The following TMUB2 variants were observed in gnomAD, a reference collection of about 807,000 sequenced individuals.
TMUB2 encodes transmembrane and ubiquitin-like domain-containing protein 2.
Under a neutral mutation model 20.2 loss-of-function variants are expected in TMUB2, and 19 were observed. The ratio of observed to expected loss-of-function variants is 0.94; its 90% CI spans 0.66 to 1.38. The LOEUF is 1.38. Among genes scored for constraint, TMUB2 ranks in the 40% most tolerant of loss-of-function variants. The probability of loss-of-function intolerance (pLI) is 0.00; values close to 1 mark genes in which losing one functional copy is unlikely to be tolerated. For missense variants in TMUB2, 426 were observed against 402.5 expected (o/e 1.06, Z -0.50); for synonymous variants, 186 against 166.0 (o/e 1.12, Z -0.92).
chr17:44,189,276 C>A lies in TMUB2; in HGVS notation c.290C>A (p.Thr97Asn), dbSNP rs369440160. The A allele has an allele frequency of 4.4e-6, 7 of 1,604,386 alleles. No individual in the cohort carries two copies. The highest frequency in any genetic ancestry group is 4.5e-5 in the East Asian group (2 of 44,814). ...GCAGGCCAAGGCAACCCCGAGCCAA[C>A]TGAACTCCCCCATCCATCAGAGGGT... ...LVAGQGNPEP[T>N]ELPHPSEGND... is the part of the protein sequence containing the mutation. Residue 97 changes from threonine (T) to asparagine (N), a missense_variant, in exon 3 of 4, where the codon ACT becomes AAT. Physicochemically the swap from Thr to Asn is moderately conservative, Grantham distance 65. Coordinates refer to ENST00000538716, the MANE Select transcript of TMUB2 (RefSeq NM_001076674.3).
At position 44,189,227 on chromosome 17, in the gene TMUB2, C is replaced by T. The variant is rs2054973665; in HGVS notation, c.241C>T (p.Leu81=). 6.2e-7 allele frequency: 1 copy of T among 1,613,444 alleles called. No homozygotes were observed. ...VSAGDTSVLH[L]GHVDHLVAGQ... ...AGCAGGCGACACATCCGTCCTCCACCTGGGGCATGTGGACCACCTGGTGGC... is the reference window on the plus strand; with the variant it reads ...AGCAGGCGACACATCCGTCCTCCACTTGGGGCATGTGGACCACCTGGTGGC... The change falls in exon 3 of 4, where the codon CTG becomes TTG. Residue 81 remains leucine, a synonymous_variant. Transcript: ENST00000538716.
At chr17:44,187,495 G>C in intron 1 of TMUB2, 181 bp from the exon 2 acceptor site, 1 of 595,558 alleles carries the variant, frequency 1.7e-6, no homozygotes, top group South Asian at 2.0e-5. Flanking sequence ...GGACACCTGG[G>C]GTCCTGCCGG....
rs757926587 is a variant in TMUB2, at chr17:44,190,668, C to A, written c.770C>A (p.Ala257Asp). 2 of 1,614,218 alleles carry A rather than the reference C, an allele frequency of 1.2e-6. No homozygotes were observed. The highest frequency in any genetic ancestry group is 1.7e-5 in the Admixed American group (1 of 60,024). ...SAVPGPSASL[A>D]PSATEPPSLG... ...GTTCCAGGCCCCTCAGCCTCCTTGG[C>A]CCCCTCGGCCACTGAGCCACCCAGC... is the stretch of plus-strand genomic sequence containing the variant. The change falls in exon 4 of 4, where the codon GCC (alanine) becomes GAC (aspartate). Residue 257 changes from alanine to aspartate, a missense_variant. Ala to Asp is a moderately radical substitution (Grantham distance 126). Transcript: ENST00000538716.
chr17:44,187,643 T>G (rs2054647260), intron 1 of TMUB2, 33 bp from the exon 2 acceptor site: 1 of 716,586 alleles, frequency 1.4e-6, no homozygotes, highest in Admixed American at 2.0e-5. Context: ...TGATAAATAA[T>G]TACTACCGTT....
At position 44,190,887 on chromosome 17, in the gene TMUB2, G is replaced by C. The variant is rs2285953; in HGVS notation, c.*23G>C. 0.038 allele frequency: 60,164 copies of C among 1,581,478 alleles called. 1,411 individuals carry two copies. The highest frequency in any genetic ancestry group is 0.08 in the East Asian group (3,575 of 44,672). The stretch of plus-strand genomic sequence containing the variant: ...TAAGGACATAGGAAGAAAATGAAAG[G>C]CATGGTCTTTCTCCTTTACGGCCTC... On this transcript the variant is annotated 3_prime_UTR_variant, in exon 4 of 4. Coordinates refer to ENST00000538716, the MANE Select transcript of TMUB2 (RefSeq NM_001076674.3).
rs1598179174 is a variant in TMUB2 at position 44,190,682 on chromosome 17, G to A, written c.784G>A (p.Glu262Lys). ...PSASLAPSATEPPSLGVNVGS... is the reference protein window; with the variant it reads ...PSASLAPSATKPPSLGVNVGS... ...AGCCTCCTTGGCCCCCTCGGCCACT[G>A]AGCCACCCAGCCTTGGTGTCAATGT... The change falls in exon 4 of 4, where the codon GAG becomes AAG. Residue 262 changes from glutamate (E) to lysine (K), a missense_variant. Glu to Lys is a moderately conservative substitution (Grantham distance 56). Coordinates refer to ENST00000538716, the MANE Select transcript of TMUB2 (RefSeq NM_001076674.3). The A allele has an allele frequency of 6.2e-7, 1 of 1,614,192 alleles. No homozygotes were observed. The highest frequency in any genetic ancestry group is 8.5e-7 in the Non-Finnish European group (1 of 1,180,044).
Position 44,190,749 on chromosome 17 carries a change from T to C in TMUB2, c.851T>C (p.Val284Ala), listed in dbSNP as rs1398562713. The change falls in exon 4 of 4, where the codon GTG becomes GCG. Residue 284 changes from valine (V) to alanine (A), a missense_variant. Coordinates refer to ENST00000538716, the MANE Select transcript of TMUB2 (RefSeq NM_001076674.3). The part of the protein sequence containing the change: ...MVPVFVVLLG[V>A]VWYFRINYRQ... ...CCTGTCTTTGTGGTGCTGTTGGGTG[T>C]GGTCTGGTACTTCCGAATCAATTAC... 1 of 1,614,198 alleles carries C rather than the reference T, an allele frequency of 6.2e-7. No individual in the cohort carries two copies. Among genetic ancestry groups the C allele is most frequent in the Admixed American group, 1.7e-5 (1 of 60,010 alleles).
chr17:44,190,294 T>C (rs865807625), intron 3 of TMUB2: 7 of 475,356 alleles, frequency 1.5e-5, no homozygotes, highest in Middle Eastern at 1.2e-3. Context: ...GAGGTTGCAG[T>C]GAGCCGAGAT....
Position 44,191,738 on chromosome 17 carries a change from TTC to T in TMUB2, c.*876_*877del, listed in dbSNP as rs575725556. The T allele has an allele frequency of 4.1e-6, 4 of 985,680 alleles. No homozygotes were observed. Among genetic ancestry groups the T allele is most frequent in the South Asian group, 9.4e-5 (2 of 21,284 alleles). 61.1% of individuals were successfully genotyped at this position (985,680 alleles called of 1,614,324 possible). On this transcript the variant is annotated 3_prime_UTR_variant, in exon 4 of 4. Coordinates refer to ENST00000538716, the MANE Select transcript of TMUB2 (RefSeq NM_001076674.3). ...TCCATTTTGTGGTCCTGCAGCCTCT[TTC>T]TGTGACAGAGAATGGCTTTGCGCTG... is the stretch of plus-strand genomic sequence containing the variant.
In TMUB2 at chr17:44,191,188, AC is replaced by A. The variant is rs1248195776; in HGVS notation, c.*325del. ...AGATTCCCTCCCACCTGTGGTTCTG[AC>A]TCTTCCCAGTGTCCTGCATGTCTGC... On this transcript the variant is annotated 3_prime_UTR_variant, in exon 4 of 4. Transcript: ENST00000538716. The A allele has an allele frequency of 3.0e-5, 33 of 1,098,296 alleles. No homozygotes were observed. The highest frequency in any genetic ancestry group is 3.7e-5 in the Non-Finnish European group (33 of 899,564). 68.0% of individuals were successfully genotyped at this position (1,098,296 alleles called of 1,614,324 possible).
intron 2 of TMUB2, 103 bp from the exon 3 acceptor site, chr17:44,188,917 CTT>C (rs370100314): frequency 5.8e-3 from 7,120 of 1,236,752 alleles, no homozygotes; most frequent in South Asian, 0.016. Context: ...CACTGAACTC[CTT>C]TTTTTTTTTT....
chr17:44,189,831 T>G (rs954278622), intron 3 of TMUB2: 1 of 395,142 alleles, frequency 2.5e-6, no homozygotes, highest in Non-Finnish European at 4.5e-6. Flanking sequence ...ACCAACATGG[T>G]GAAACCCCAT....
Position 44,187,682 on chromosome 17 carries a change from A to G in TMUB2, c.-27A>G. 2 of 718,626 alleles carry G rather than the reference A, an allele frequency of 2.8e-6. No homozygotes were observed. Among genetic ancestry groups the G allele is most frequent in the Non-Finnish European group, 5.2e-6 (2 of 385,070 alleles). 44.5% of individuals were successfully genotyped at this position (718,626 alleles called of 1,614,324 possible). ...AAGCAATTGCAATTTGCAGTGTGCC[A>G]GGCACTGTGCCAAGTATTTTGCTTC... On this transcript the variant is annotated 5_prime_UTR_variant, in exon 2 of 4. Coordinates refer to ENST00000538716, the MANE Select transcript of TMUB2 (RefSeq NM_001076674.3).
chr17:44,190,419 T>G, intron 3 of TMUB2, 82 bp from the exon 4 acceptor site: 2 of 1,001,806 alleles, frequency 2.0e-6, no homozygotes, highest in Non-Finnish European at 2.7e-6. Flanking sequence ...TTTTCCCCAC[T>G]CCCCTGCTTT....
chr17:44,191,625 C>G lies in TMUB2; in HGVS notation c.*761C>G. 2 of 985,842 alleles carry G rather than the reference C, an allele frequency of 2.0e-6. No homozygotes were observed. The highest frequency in any genetic ancestry group is 2.4e-6 in the Non-Finnish European group (2 of 829,924). 61.1% of individuals were successfully genotyped at this position (985,842 alleles called of 1,614,324 possible). On this transcript the variant is annotated 3_prime_UTR_variant, in exon 4 of 4. Transcript: ENST00000538716. The stretch of plus-strand genomic sequence containing the variant: ...CCCTTGGCCAGCGTCCTACCCTGCC[C>G]AACTCCAAGGACTGGGTATGGATTG...
rs958230510 is a variant in TMUB2, at chr17:44,191,658, C to G, written c.*794C>G. ...AGGACTGGGTATGGATTGCTGGGCC[C>G]TAGGCTCTTGCTTCTGGGGCTATTG... On this transcript the variant is annotated 3_prime_UTR_variant, in exon 4 of 4. Transcript: ENST00000538716. The G allele has an allele frequency of 3.2e-5, 32 of 985,710 alleles. No homozygotes were observed. Among genetic ancestry groups the G allele is most frequent in the Non-Finnish European group, 3.7e-5 (31 of 829,982 alleles). 61.1% of individuals were successfully genotyped at this position (985,710 alleles called of 1,614,324 possible).
chr17:44,187,584 C>T (rs1006517231), intron 1 of TMUB2, 92 bp from the exon 2 acceptor site: 47 of 674,890 alleles, frequency 7.0e-5, no homozygotes, highest in Admixed American at 4.6e-4. Flanking sequence ...TCCTGTAAAT[C>T]ATGGTTAATA....
chr17:44,190,681 T>A lies in TMUB2; in HGVS notation c.783T>A (p.Thr261=). 1 of 1,614,218 alleles carries A rather than the reference T, an allele frequency of 6.2e-7. No individual in the cohort carries two copies. Among genetic ancestry groups the A allele is most frequent in the Non-Finnish European group, 8.5e-7 (1 of 1,180,038 alleles). The change falls in exon 4 of 4, where the codon ACT becomes ACA. Residue 261 remains threonine (T), a synonymous_variant. Coordinates refer to ENST00000538716, the MANE Select transcript of TMUB2 (RefSeq NM_001076674.3). The part of the protein sequence containing the change: ...GPSASLAPSA[T]EPPSLGVNVG... ...CAGCCTCCTTGGCCCCCTCGGCCAC[T>A]GAGCCACCCAGCCTTGGTGTCAATG...
rs557721883 is a variant in TMUB2, at chr17:44,191,057, C to T, written c.*193C>T. On this transcript the variant is annotated 3_prime_UTR_variant, in exon 4 of 4. Transcript: ENST00000538716. ...CAGGAGTACAGATGTCCCTCCCGTGCGAGCACAACTCAGGTAGAAATGAGG... is the reference window on the plus strand; with the variant it reads ...CAGGAGTACAGATGTCCCTCCCGTGTGAGCACAACTCAGGTAGAAATGAGG... 46 of 1,389,782 alleles carry T rather than the reference C, an allele frequency of 3.3e-5. No individual in the cohort carries two copies. Among genetic ancestry groups the T allele is most frequent in the African/African-American group, 2.7e-4 (19 of 69,108 alleles). 86.1% of individuals were successfully genotyped at this position (1,389,782 alleles called of 1,614,324 possible). A position where few individuals can be genotyped will look rare whatever the true frequency, so the allele number is the denominator to read the frequency against.
Sources: gnomAD v4.1 joint callset for allele counts on GRCh38, gnomAD v4.1.1 for gene constraint, MANE v1.5 for transcripts, NCBI Gene and HGNC (gene_info 2026-07-23, HGNC 2026-07-21) for gene names.